LMF1: variants seen among roughly 807,000 people sequenced by gnomAD.
LMF1 encodes the protein lipase maturation factor 1, also known as transmembrane protein 112.
A neutral mutation model predicts 60.6 loss-of-function variants in LMF1; 68 were observed. The ratio of observed to expected loss-of-function variants is 1.12; its 90% CI spans 0.92 to 1.37. The LOEUF is 1.37. LMF1 is among the 40% of genes most tolerant of loss of function. LMF1 has a pLI of 0.00. For synonymous variants in LMF1, 418 were observed against 324.7 expected, an observed-to-expected ratio of 1.29 and a Z score of -3.09; for missense variants, 948 against 767.2, an observed-to-expected ratio of 1.24 and a Z score of -2.78.
chr16:972,583 G>T (rs555103260), upstream of LMF1, among the ~76,000 whole-genome samples: 62 of 152,346 alleles, frequency 4.1e-4, 3 homozygotes, highest in South Asian at 0.012. Context: ...AGCGGGCCCT[G>T]TCTGGGTGCC....
In LMF1 at chr16:908,772, G is replaced by A. The variant is rs567965547; in HGVS notation, c.663+2159C>T. On this transcript the variant is annotated intron_variant, in intron 4 of 10. Coordinates refer to ENST00000262301, the MANE Select transcript of LMF1 (RefSeq NM_022773.4). ...GTGAGGACCTAGAGTAAGCACCCAA[G>A]ACTCCCCACAGCCCCAGAAAACCAA... 8.5e-5 allele frequency among the ~76,000 whole-genome samples: 13 copies of A among 152,342 alleles called. No individual in the cohort carries two copies. In the South Asian group the frequency reaches 2.7e-3, roughly 32 times the overall value.
intron 2 of LMF1, among the ~76,000 whole-genome samples, chr16:936,189 T>A: frequency 8.9e-6 from 1 of 112,708 alleles, no homozygotes; most frequent in African/African-American, 3.8e-5. Flanking sequence ...CCGTGTGGGC[T>A]GAGGAAGGAG....
chr16:901,018 G>A (rs1032282913), intron 4 of LMF1: 2 of 151,934 alleles, frequency 1.3e-5, no homozygotes, highest in African/African-American at 2.4e-5. Context: ...CACACCTGCA[G>A]CCACCCCAGG....
rs750247337 is a variant in LMF1 at position 865,243 on chromosome 16, C to T, written c.1529+3701G>A. Among the ~76,000 whole-genome samples the T allele has an allele frequency of 2.8e-4, 43 of 152,228 alleles. 2 individuals are homozygous for T. The highest frequency in any genetic ancestry group is 8.5e-4 in the Admixed American group (13 of 15,284). ...CATCCATTTATAGTTATCTTAACTA[C>T]TTCCTCTACATAAACTTTGAACTAC... On this transcript the variant is annotated intron_variant, in intron 10 of 10. Coordinates refer to ENST00000262301, the MANE Select transcript of LMF1 (RefSeq NM_022773.4).
At chr16:940,076 G>A (rs1490907496) in intron 2 of LMF1, among the ~76,000 whole-genome samples, 2 of 152,150 alleles carry the variant, frequency 1.3e-5, no homozygotes, top group African/African-American at 2.4e-5. Context: ...GCAGGGACCC[G>A]AGTGATACGT....
chr16:927,088 C>A (rs538630106), intron 3 of LMF1, among the ~76,000 whole-genome samples: 1 of 152,162 alleles, frequency 6.6e-6, no homozygotes, highest in African/African-American at 2.4e-5. Context: ...GAGATGGAGC[C>A]GAGTCTGAGG....
At position 868,997 on chromosome 16, in the gene LMF1, G is replaced by A. The variant is rs142258761; in HGVS notation, c.1476C>T (p.Ala492=). Residue 492 remains alanine, a synonymous_variant, in exon 10 of 11, where the codon GCC becomes GCT. Transcript: ENST00000262301. ...TGTGTGCCAGCAGGGACAAGGCCTC[G>A]GCGTCGCTGGCCAGGAGCTTGCCAG... ...HLAGKLLASD[A]EALSLLAHNP... is the part of the protein sequence containing the mutation. The A allele has an allele frequency of 1.6e-3, 2,605 of 1,612,562 alleles. 42 individuals carry two copies. In the African/African-American group the frequency reaches 0.029, roughly 18 times the overall value.
At chr16:910,270 T>A (rs2071074083) in intron 4 of LMF1, among the ~76,000 whole-genome samples, 1 of 152,296 alleles carries the variant, frequency 6.6e-6, no homozygotes, top group South Asian at 2.1e-4. Flanking sequence ...CAGACGCAGA[T>A]GAGCAGCCCC....
rs948797051 is a variant in LMF1, at chr16:897,663, G to C, written c.664-4591C>G. Among the ~76,000 whole-genome samples, 18 of 152,204 alleles carry C rather than the reference G, an allele frequency of 1.2e-4. No homozygotes were observed. Among genetic ancestry groups the C allele is most frequent in the African/African-American group, 4.3e-4 (18 of 41,446 alleles). ...CTGCTTCTCCCCGAGTGCTCTGAGA[G>C]CTGGGGGTGGGTGGAAACCGTGTCT... On this transcript the variant is annotated intron_variant, in intron 4 of 10. Transcript: ENST00000262301. This position sits in a 1 kb window ranked among gnomAD's most constrained non-coding sequence, Gnocchi z 4.3.
chr16:934,017 C>G (rs148747992), intron 3 of LMF1: 28 of 1,493,272 alleles, frequency 1.9e-5, no homozygotes, highest in South Asian at 8.5e-5. Flanking sequence ...ATCATGCGTG[C>G]GACCATCCGT....
chr16:894,030 C>A (rs62013779), intron 4 of LMF1, among the ~76,000 whole-genome samples: 1 of 138,456 alleles, frequency 7.2e-6, no homozygotes, highest in Non-Finnish European at 1.6e-5. Flanking sequence ...TCCACCGGGC[C>A]GTCTGCCCAC....
intron 1 of LMF1, among the ~76,000 whole-genome samples, chr16:965,475 C>G (rs2072905683): frequency 6.6e-6 from 1 of 152,150 alleles, no homozygotes; most frequent in South Asian, 2.1e-4. Flanking sequence ...ATAACCAGAA[C>G]AGAGAGCAAA....
chr16:882,594 G>T (rs1171721148), intron 5 of LMF1, among the ~76,000 whole-genome samples: 3 of 152,242 alleles, frequency 2.0e-5, no homozygotes, highest in Non-Finnish European at 4.4e-5. Flanking sequence ...CCACCCAGGG[G>T]AGCCCATAAC....
intron 2 of LMF1, among the ~76,000 whole-genome samples, chr16:946,276 G>A (rs2072236201): frequency 6.6e-6 from 1 of 152,350 alleles, no homozygotes; most frequent in East Asian, 1.9e-4. Flanking sequence ...GGGACAGCTG[G>A]CTGGCAGCGG....
upstream of LMF1, chr16:971,117 TC>T (rs1008324306): frequency 1.1e-6 from 1 of 886,140 alleles, no homozygotes; most frequent in Non-Finnish European, 1.5e-6. Context: ...CCGCTCACAG[TC>T]CCGGAGGCAC....
intron 6 of LMF1, among the ~76,000 whole-genome samples, chr16:877,502 T>C (rs1318918785): frequency 6.6e-6 from 1 of 152,144 alleles, no homozygotes; most frequent in Admixed American, 6.5e-5. Context: ...TGAACTTGCT[T>C]CAGCATCCAC....
chr16:949,233 T>A (rs1354271766), intron 2 of LMF1, among the ~76,000 whole-genome samples: 33 of 85,322 alleles, frequency 3.9e-4, no homozygotes, highest in African/African-American at 4.8e-4. Context: ...AACAACAGAG[T>A]CAGAGCCAAC....
At chr16:980,511 C>A (rs2073319443) in intron 1 of LMF1, 1 of 152,240 alleles carries the variant, frequency 6.6e-6, no homozygotes, top group Non-Finnish European at 1.5e-5. Flanking sequence ...CGGCCACCGG[C>A]CCGGGCGTGG....
At chr16:964,231 G>A in intron 1 of LMF1, 2 of 434,744 alleles carry the variant, frequency 4.6e-6, no homozygotes, top group Non-Finnish European at 9.4e-6. Context: ...GGAAGGCGGA[G>A]GTTGTAGTGA....
Sources: gnomAD v4.1 joint callset for allele counts (sites outside exome capture counted in the v4.1 genomes callset) on GRCh38, gnomAD v4.1.1 for gene constraint, Gnocchi (gnomAD v3.1) non-coding constraint, MANE v1.5 for transcripts, NCBI Gene and HGNC (gene_info 2026-07-23, HGNC 2026-07-21) for gene names.